The following PRRC2B variants were observed in gnomAD, a reference collection of about 807,000 sequenced individuals.
PRRC2B encodes the protein protein PRRC2B.
Under a neutral mutation model 242.3 loss-of-function variants are expected in PRRC2B, and 68 were observed. The ratio of observed to expected loss-of-function variants is 0.28; its 90% confidence interval spans 0.23 to 0.34. The LOEUF (loss-of-function observed/expected upper bound fraction) is 0.34. Ranked by LOEUF, PRRC2B falls within the 10% of genes least tolerant of loss-of-function variation. The pLI, the probability that PRRC2B is intolerant of heterozygous loss-of-function variation, is 1.00. For missense variants in PRRC2B, 2,835 were observed against 2,954.8 expected (o/e 0.96, Z 0.94); for synonymous variants, 1,228 against 1,173.6 (o/e 1.05, Z -0.95).
chr9:131,469,651 C>T (rs775267582), intron 13 of PRRC2B, among the ~76,000 whole-genome samples: 2 of 152,130 alleles, frequency 1.3e-5, no homozygotes, highest in African/African-American at 4.8e-5. Context: ...GTGCTGGAGG[C>T]CGTTTGGGTG....
chr9:131,417,789 G>A (rs1837697445), intron 1 of PRRC2B, among the ~76,000 whole-genome samples: 1 of 152,202 alleles, frequency 6.6e-6, no homozygotes. Context: ...CCATCTGTGG[G>A]ATGTGTGTGC....
intron 1 of PRRC2B, among the ~76,000 whole-genome samples, chr9:131,409,132 C>T (rs1417783733): frequency 6.6e-6 from 1 of 151,854 alleles, no homozygotes. Context: ...AAGCGATTCT[C>T]TTGCCTCAGC....
At chr9:131,478,076 G>A in intron 17 of PRRC2B, 127 bp downstream of exon 17, 2 of 792,082 alleles carry the variant, frequency 2.5e-6, no homozygotes, top group South Asian at 3.5e-5. Flanking sequence ...GCCAGGCCCT[G>A]GGCTGGGTTC....
intron 1 of PRRC2B, among the ~76,000 whole-genome samples, chr9:131,404,480 C>T (rs1459100293): frequency 6.6e-6 from 1 of 152,064 alleles, no homozygotes; most frequent in African/African-American, 2.4e-5. Flanking sequence ...CCTCAGCCTC[C>T]CAAAGTGCTG....
intron 4 of PRRC2B, among the ~76,000 whole-genome samples, chr9:131,438,360 A>G (rs1436966494): frequency 2.0e-5 from 3 of 152,078 alleles, no homozygotes; most frequent in African/African-American, 7.2e-5. Context: ...GGATGTGACT[A>G]GAGCCTTCTC....
At chr9:131,485,310 C>T (rs1943988019) in intron 25 of PRRC2B, among the ~76,000 whole-genome samples, 170 bp downstream of exon 25, 3 of 152,340 alleles carry the variant, frequency 2.0e-5, no homozygotes, top group South Asian at 2.1e-4. Context: ...AGGTAATGTG[C>T]ACGTCCTGCT....
intron 5 of PRRC2B, among the ~76,000 whole-genome samples, chr9:131,443,263 A>T (rs1163790089): frequency 6.6e-6 from 1 of 151,424 alleles, no homozygotes; most frequent in Non-Finnish European, 1.5e-5. Context: ...CCTCCCGAGT[A>T]GCTGGGACTA....
At chr9:131,462,668 T>A (rs1266130161) in intron 11 of PRRC2B, among the ~76,000 whole-genome samples, 3 of 151,290 alleles carry the variant, frequency 2.0e-5, no homozygotes, top group African/African-American at 7.3e-5. Flanking sequence ...TGAAACCCCA[T>A]CTCTACTAAA....
chr9:131,464,584 A>G (rs1381192712), intron 11 of PRRC2B, among the ~76,000 whole-genome samples, 179 bp from the exon 12 acceptor site: 2 of 152,206 alleles, frequency 1.3e-5, no homozygotes, highest in Non-Finnish European at 2.9e-5. Flanking sequence ...CCTAAACCAC[A>G]TTTCACATAC....
chr9:131,456,421 G>A (rs892198482), intron 10 of PRRC2B, among the ~76,000 whole-genome samples: 3 of 151,938 alleles, frequency 2.0e-5, no homozygotes, highest in Admixed American at 2.0e-4. Flanking sequence ...CACGAGGTCA[G>A]GAGATCGAGA....
intron 11 of PRRC2B, among the ~76,000 whole-genome samples, chr9:131,462,847 A>AAAAAG (rs1482554640): frequency 4.0e-5 from 6 of 151,430 alleles, no homozygotes; most frequent in African/African-American, 1.5e-4. Context: ...AAAAAAAAAA[A>AAAAAG]AAAAAAAAAG....
intron 1 of PRRC2B, among the ~76,000 whole-genome samples, chr9:131,396,304 C>A (rs1837054357): frequency 6.6e-6 from 1 of 150,634 alleles, no homozygotes; most frequent in Non-Finnish European, 1.5e-5. Flanking sequence ...TCCTTCCCTT[C>A]CTTCTTTTTT....
intron 14 of PRRC2B, among the ~76,000 whole-genome samples, chr9:131,473,035 A>G (rs188484901): frequency 1.2e-3 from 182 of 152,266 alleles, no homozygotes; most frequent in African/African-American, 4.3e-3. Flanking sequence ...TAAGCATGTG[A>G]GTCTGAATTC....
chr9:131,405,681 A>G (rs1009782672), intron 1 of PRRC2B, among the ~76,000 whole-genome samples: 10 of 152,236 alleles, frequency 6.6e-5, no homozygotes, highest in African/African-American at 2.4e-4. Context: ...TGCTCTGGCA[A>G]GAGGAGGTGC....
intron 2 of PRRC2B, among the ~76,000 whole-genome samples, chr9:131,431,585 A>ATT (rs756659610): frequency 7.5e-6 from 1 of 133,120 alleles, no homozygotes; most frequent in Non-Finnish European, 1.6e-5. Flanking sequence ...TTAATAAAGA[A>ATT]TTTTTTTTTT....
At chr9:131,442,040 T>G (rs1381478268) in intron 5 of PRRC2B, among the ~76,000 whole-genome samples, 1 of 152,178 alleles carries the variant, frequency 6.6e-6, no homozygotes, top group Non-Finnish European at 1.5e-5. Flanking sequence ...AATAATATAT[T>G]CATGATTCTC....
intron 4 of PRRC2B, 149 bp downstream of exon 4, chr9:131,436,871 A>G: frequency 1.6e-6 from 1 of 638,146 alleles, no homozygotes. Flanking sequence ...GTGACTTTAG[A>G]AAACCGTCAT....
intron 2 of PRRC2B, among the ~76,000 whole-genome samples, chr9:131,430,561 ATGTGTGTGTGTGTGTGTG>A (rs200517031): frequency 8.4e-6 from 1 of 118,718 alleles, no homozygotes; most frequent in Non-Finnish European, 1.7e-5. Flanking sequence ...GTGTGTGTGT[ATGTGTGTGTGTGTGTGTG>A]TGTGTGTGTG....
intron 9 of PRRC2B, among the ~76,000 whole-genome samples, chr9:131,448,543 C>CAAAAAAAAAAAAAA (rs754661321): frequency 0.037 from 1,463 of 39,760 alleles, 211 homozygotes; most frequent in Non-Finnish European, 0.048. Context: ...GACACTGTCT[C>CAAAAAAAAAAAAAA]AAAAAAAAAA....
Sources: gnomAD v4.1 joint callset for allele counts (sites outside exome capture counted in the v4.1 genomes callset) on GRCh38, gnomAD v4.1.1 for gene constraint, MANE v1.5 for transcripts, NCBI Gene and HGNC (gene_info 2026-07-23, HGNC 2026-07-21) for gene names.